The following SLC16A9 variants were observed in gnomAD, a reference collection of about 807,000 sequenced individuals.
SLC16A9 encodes solute carrier family 16 member 9.
In SLC16A9, 26 loss-of-function variants were observed where a neutral mutation model predicts 44.3. The ratio of observed to expected loss-of-function variants is 0.59; its 90% CI spans 0.43 to 0.81. The LOEUF (loss-of-function observed/expected upper bound fraction) is 0.81. SLC16A9 is among the 40% of genes least tolerant of loss of function. The pLI is 0.00. For synonymous variants in SLC16A9, 230 were observed against 225.1 expected (o/e 1.02, Z -0.19); for missense variants, 559 against 595.8 (o/e 0.94, Z 0.64).
In SLC16A9 at chr10:59,686,632, TC is replaced by T. The variant is rs144846914; in HGVS notation, c.-36-2306del. On this transcript the variant is annotated intron_variant, in intron 1 of 5. Transcript: ENST00000395348. ...TTGATGTCTGTATGTTAATTTTACA[TC>T]CCACTTCCTTACAAAATTCTCCTAT... Among the ~76,000 whole-genome samples, 1,257 of 152,334 alleles carry T rather than the reference TC, an allele frequency of 8.3e-3. 26 individuals are homozygous for T. The highest frequency in any genetic ancestry group is 0.029 in the African/African-American group (1,213 of 41,576).
intron 1 of SLC16A9, among the ~76,000 whole-genome samples, chr10:59,693,681 G>A (rs1415712163): frequency 1.3e-5 from 2 of 151,968 alleles, no homozygotes; most frequent in Non-Finnish European, 2.9e-5. Flanking sequence ...GTGCAGTGGC[G>A]TGATCTCGGC....
intron 2 of SLC16A9, among the ~76,000 whole-genome samples, chr10:59,681,077 A>T (rs896967942): frequency 5.3e-5 from 8 of 152,070 alleles, no homozygotes; most frequent in African/African-American, 1.9e-4. Context: ...CCACGCAATT[A>T]TATGCTGAAA....
chr10:59,650,991 T>G lies in SLC16A9; in HGVS notation c.*1781A>C, dbSNP rs1243460375. The G allele has an allele frequency of 6.6e-6, 1 of 151,968 alleles. No individual in the cohort carries two copies. The highest frequency in any genetic ancestry group is 1.9e-4 in the East Asian group (1 of 5,182). 9.4% of individuals were successfully genotyped at this position (151,968 alleles called of 1,614,324 possible). A position where few individuals can be genotyped will look rare whatever the true frequency, so the allele number is the denominator to read the frequency against. On this transcript the variant is annotated 3_prime_UTR_variant, in exon 6 of 6. Transcript: ENST00000395348. Reference sequence around the variant, plus strand: ...TTCAACACAACAAGTAGTTTAGTTTTTTTTTTTTTTATGTCACTTATTTTA... The same window carrying G: ...TTCAACACAACAAGTAGTTTAGTTTGTTTTTTTTTTATGTCACTTATTTTA...
intron 2 of SLC16A9, among the ~76,000 whole-genome samples, chr10:59,681,762 GATGTAT>G (rs749476224): frequency 1.8e-3 from 6 of 3,320 alleles, no homozygotes; most frequent in Admixed American, 9.8e-3. Flanking sequence ...ATATGTATAT[GATGTAT>G]ATGTATATGT....
At chr10:59,660,905 A>C (rs1348253305) in intron 4 of SLC16A9, among the ~76,000 whole-genome samples, 2 of 152,130 alleles carry the variant, frequency 1.3e-5, no homozygotes, top group African/African-American at 2.4e-5. Context: ...ACAAAAACCA[A>C]ATGATTATCT....
intron 1 of SLC16A9, among the ~76,000 whole-genome samples, chr10:59,705,919 C>G (rs968555382): frequency 6.6e-6 from 1 of 152,064 alleles, no homozygotes; most frequent in Non-Finnish European, 1.5e-5. Flanking sequence ...ATAATCTAGC[C>G]CCATCCCACC....
Position 59,651,969 on chromosome 10 carries a change from CA to C in SLC16A9, c.*802del. On this transcript the variant is annotated 3_prime_UTR_variant, in exon 6 of 6. Transcript: ENST00000395348. ...GAGAAATGTGTTTCCAATTTGGAAA[CA>C]GGTAAAATTAGCACTTCCCAGGAAA... The C allele has an allele frequency of 6.6e-6, 1 of 152,286 alleles. No individual in the cohort carries two copies. The highest frequency in any genetic ancestry group is 2.1e-4 in the South Asian group (1 of 4,824). The allele number at this position is 152,286 out of a possible 1,614,324, so 9.4% of individuals were successfully genotyped here.
intron 4 of SLC16A9, among the ~76,000 whole-genome samples, chr10:59,662,562 A>C (rs1184920020): frequency 3.8e-5 from 5 of 133,080 alleles, no homozygotes; most frequent in Admixed American, 1.8e-4. Flanking sequence ...TGAAACTGGA[A>C]GGTGGAGGTT....
chr10:59,677,345 C>A (rs1329553614), intron 2 of SLC16A9, among the ~76,000 whole-genome samples: 1 of 152,086 alleles, frequency 6.6e-6, no homozygotes, highest in South Asian at 2.1e-4. Context: ...CCTGCCTCAG[C>A]CTCCCAAAGC....
intron 2 of SLC16A9, among the ~76,000 whole-genome samples, chr10:59,682,015 G>C (rs1016015528): frequency 1.3e-4 from 20 of 151,794 alleles, no homozygotes; most frequent in Non-Finnish European, 2.9e-4. Flanking sequence ...AGGTGCAACT[G>C]CTTCCTCATC....
intron 2 of SLC16A9, 106 bp downstream of exon 2, chr10:59,683,990 T>C: frequency 2.3e-6 from 2 of 879,198 alleles, no homozygotes; most frequent in Admixed American, 5.5e-5. Context: ...AAAAGATATG[T>C]TATACTTTGA....
intron 3 of SLC16A9, 85 bp downstream of exon 3, chr10:59,672,685 C>A: frequency 3.0e-6 from 4 of 1,335,832 alleles, no homozygotes; most frequent in Non-Finnish European, 4.1e-6. Flanking sequence ...CACTCCTTTA[C>A]ATTAACTGGA....
intron 1 of SLC16A9, among the ~76,000 whole-genome samples, chr10:59,704,253 T>C (rs1189862146): frequency 3.9e-5 from 6 of 152,160 alleles, no homozygotes; most frequent in Admixed American, 3.9e-4. Flanking sequence ...GTTTCACCTG[T>C]GCTATCCCCC....
chr10:59,663,666 G>T lies in SLC16A9; in HGVS notation c.436+561C>A, dbSNP rs749434487. 3.4e-4 allele frequency among the ~76,000 whole-genome samples: 51 copies of T among 152,048 alleles called. 2 individuals are homozygous for T. The highest frequency in any genetic ancestry group is 3.4e-3 in the Middle Eastern group (1 of 294). On this transcript the variant is annotated intron_variant, in intron 4 of 5. Transcript: ENST00000395348. ...GAGAAATACCTAATGTAGATCATGG[G>T]TTGATGGGTGCAGCAAACCACCGTG...
chr10:59,688,177 C>T (rs1323833110), intron 1 of SLC16A9, among the ~76,000 whole-genome samples: 1 of 152,122 alleles, frequency 6.6e-6, no homozygotes, highest in African/African-American at 2.4e-5. Flanking sequence ...CCAAACCATG[C>T]ACTTGGCTGT....
At chr10:59,708,432 G>T (rs1399835848) in intron 1 of SLC16A9, among the ~76,000 whole-genome samples, 1 of 152,154 alleles carries the variant, frequency 6.6e-6, no homozygotes, top group Non-Finnish European at 1.5e-5. Context: ...ATAAGAAACT[G>T]TTAGGGCATA....
chr10:59,692,564 A>G (rs979507892), intron 1 of SLC16A9, among the ~76,000 whole-genome samples: 3 of 152,234 alleles, frequency 2.0e-5, no homozygotes, highest in Non-Finnish European at 4.4e-5. Flanking sequence ...TATGAGTTAT[A>G]TACCTCAATA....
Position 59,684,252 on chromosome 10 carries a change from C to G in SLC16A9, c.40G>C (p.Val14Leu). 1 of 1,613,860 alleles carries G rather than the reference C, an allele frequency of 6.2e-7. No individual in the cohort carries two copies. The highest frequency in any genetic ancestry group is 1.1e-5 in the South Asian group (1 of 90,980). ...KKSPDGGWGW[V>L]IVFVSFLTQF... ...GTAAGGAAGGAGACAAACACAATCA[C>G]CCAGCCCCATCCACCGTCAGGCGAC... Residue 14 changes from valine to leucine, a missense_variant, in exon 2 of 6, where the codon GTG (valine) becomes CTG (leucine). Coordinates refer to ENST00000395348, the MANE Select transcript of SLC16A9 (RefSeq NM_194298.3).
At chr10:59,696,437 G>A (rs796920777) in intron 1 of SLC16A9, among the ~76,000 whole-genome samples, 1 of 152,304 alleles carries the variant, frequency 6.6e-6, no homozygotes, top group East Asian at 1.9e-4. Flanking sequence ...GTGCAGTGGC[G>A]TGATCTCTGC....
Sources: gnomAD v4.1 joint callset for allele counts (sites outside exome capture counted in the v4.1 genomes callset) on GRCh38, gnomAD v4.1.1 for gene constraint, MANE v1.5 for transcripts, NCBI Gene and HGNC (gene_info 2026-07-23, HGNC 2026-07-21) for gene names.